TRANK1: variants seen among roughly 807,000 people sequenced by gnomAD.
TRANK1 encodes the protein TPR and ankyrin repeat-containing protein 1.
TRANK1 carries 198 observed loss-of-function variants against 266.0 expected under a neutral mutation model. The observed-to-expected ratio is 0.74, with a 90% CI of 0.66 to 0.84. The LOEUF is 0.84. TRANK1 is among the 40% of genes least tolerant of loss of function. The pLI is 0.00. For synonymous variants in TRANK1, 1,396 were observed against 1,384.1 expected (o/e 1.01, Z -0.19); for missense variants, 3,326 against 3,634.6 (o/e 0.92, Z 2.18).
Position 36,847,203 on chromosome 3 carries a change from G to A in TRANK1, c.5031C>T (p.Tyr1677=), listed in dbSNP as rs376526318. The change falls in exon 16 of 24, where the codon TAC becomes TAT. Residue 1677 remains tyrosine, a synonymous_variant. Transcript: ENST00000645898. ...TTGACAAATGGCAGAAATTCACCTT[G>A]TACATTTCTGGATTCACCATGAGAG... is the stretch of plus-strand genomic sequence containing the variant. ...GRSLMVNPEM[Y]KLLNGELKQL... 1.2e-6 allele frequency: 2 copies of A among 1,612,486 alleles called. No individual in the cohort carries two copies. Among genetic ancestry groups the A allele is most frequent in the Non-Finnish European group, 1.7e-6 (2 of 1,179,200 alleles).
intron 17 of TRANK1, among the ~76,000 whole-genome samples, chr3:36,844,004 C>A (rs112213028): frequency 0.011 from 1,640 of 152,268 alleles, 26 homozygotes; most frequent in Middle Eastern, 0.017. Flanking sequence ...AAAAGAAACA[C>A]AAATTACATA....
At chr3:36,913,643 C>A (rs539622903) in intron 1 of TRANK1, among the ~76,000 whole-genome samples, 1 of 151,960 alleles carries the variant, frequency 6.6e-6, no homozygotes, top group East Asian at 1.9e-4. Flanking sequence ...TTGTTTTTTT[C>A]TTTTTTTCTT....
chr3:36,924,235 T>A (rs1264060624), intron 1 of TRANK1, among the ~76,000 whole-genome samples: 1 of 152,204 alleles, frequency 6.6e-6, no homozygotes, highest in Non-Finnish European at 1.5e-5. Flanking sequence ...CCGTCCAGCG[T>A]TAAGGCCCCT....
At chr3:36,863,462 C>A (rs911660980) in intron 10 of TRANK1, among the ~76,000 whole-genome samples, 1 of 152,284 alleles carries the variant, frequency 6.6e-6, no homozygotes, top group South Asian at 2.1e-4. Flanking sequence ...AAAATGGCCC[C>A]ATCCTAGAGT....
At chr3:36,837,898 T>C (rs942931547) in intron 20 of TRANK1, among the ~76,000 whole-genome samples, 2 of 152,170 alleles carry the variant, frequency 1.3e-5, no homozygotes, top group African/African-American at 2.4e-5. Flanking sequence ...ATTATTATAT[T>C]TTAATTAATT....
chr3:36,861,807 G>A (rs933431229), intron 10 of TRANK1, among the ~76,000 whole-genome samples: 2 of 147,902 alleles, frequency 1.4e-5, no homozygotes, highest in Non-Finnish European at 3.0e-5. Context: ...CTGGATTCAC[G>A]CCATTCTCCT....
intron 2 of TRANK1, among the ~76,000 whole-genome samples, chr3:36,904,625 CA>C (rs1201239057): frequency 8.6e-5 from 13 of 151,818 alleles, no homozygotes; most frequent in Admixed American, 7.2e-4. Flanking sequence ...TATTAATAAA[CA>C]AAGGAAAAAT....
In TRANK1 at chr3:36,879,963, TGCAA is replaced by T. The variant is rs2079492752; in HGVS notation, c.908-5671_908-5668del. On this transcript the variant is annotated intron_variant, in intron 8 of 23. Transcript: ENST00000645898. ...GTAAACATGCAAATATATGTAAACA[TGCAA>T]ATATATGTAAACATGCAAATATATG... Among the ~76,000 whole-genome samples the T allele has an allele frequency of 8.8e-4, 8 of 9,056 alleles. 1 individual carries two copies. Among genetic ancestry groups the T allele is most frequent in the Non-Finnish European group, 1.3e-3 (8 of 5,936 alleles). 5.9% of individuals were successfully genotyped at this position (9,056 alleles called of 152,430 possible). A position where few individuals can be genotyped will look rare whatever the true frequency, so the allele number is the denominator to read the frequency against.
intron 8 of TRANK1, among the ~76,000 whole-genome samples, chr3:36,884,933 GA>G (rs201019383): frequency 2.0e-3 from 221 of 109,552 alleles, no homozygotes; most frequent in Middle Eastern, 4.9e-3. Flanking sequence ...CTCTGTCTCA[GA>G]AAAAAAAAAA....
chr3:36,879,907 CATGCAAATATATGT>C (rs2079485342), intron 8 of TRANK1, among the ~76,000 whole-genome samples: 2 of 19,372 alleles, frequency 1.0e-4, no homozygotes, highest in Non-Finnish European at 1.9e-4. Flanking sequence ...TATATGTAAA[CATGCAAATATATGT>C]AAACATGCAA....
At chr3:36,918,595 G>T (rs2080168026) in intron 1 of TRANK1, among the ~76,000 whole-genome samples, 1 of 115,240 alleles carries the variant, frequency 8.7e-6, no homozygotes, top group Non-Finnish European at 1.8e-5. Context: ...AGGAAGGAAG[G>T]AAGGAAGGAA....
intron 1 of TRANK1, among the ~76,000 whole-genome samples, chr3:36,910,033 T>C (rs2080029105): frequency 6.6e-6 from 1 of 152,234 alleles, no homozygotes. Flanking sequence ...AAGAAAATTG[T>C]TGCAATAACT....
rs777944962 is a variant in TRANK1 at position 36,831,056 on chromosome 3, C to T, written c.8527G>A (p.Glu2843Lys). Residue 2843 changes from glutamate to lysine, a missense_variant, in exon 22 of 24, where the codon GAG becomes AAG. Glu to Lys is a moderately conservative substitution (Grantham distance 56, BLOSUM62 1). Coordinates refer to ENST00000645898, the MANE Select transcript of TRANK1 (RefSeq NM_001329998.2). This position sits in a 1 kb window ranked among gnomAD's most constrained non-coding sequence, Gnocchi z 5.0. ...TCATCAATGGCCGGGTCCACCTTCTCGTGGAAAAATTCTGAGTATTTCTGG... is the reference window on the plus strand; with the variant it reads ...TCATCAATGGCCGGGTCCACCTTCTTGTGGAAAAATTCTGAGTATTTCTGG... ...AYQKYSEFFH[E>K]KVDPAIDEGK... 2.1e-5 allele frequency: 34 copies of T among 1,613,864 alleles called. No individual in the cohort carries two copies. In the Admixed American group the frequency reaches 5.0e-4, roughly 24 times the overall value.
At chr3:36,849,236 T>A (rs1283424714) in intron 15 of TRANK1, among the ~76,000 whole-genome samples, 1 of 152,176 alleles carries the variant, frequency 6.6e-6, no homozygotes, top group African/African-American at 2.4e-5. Flanking sequence ...GCCATGAGTA[T>A]GAAAGAAAGG....
At chr3:36,899,375 C>T in intron 3 of TRANK1, 116 bp from the exon 4 acceptor site, 1 of 1,186,794 alleles carries the variant, frequency 8.4e-7, no homozygotes, top group Non-Finnish European at 1.2e-6. Context: ...TGACTTCTGG[C>T]TGGGCACAGT....
Position 36,879,801 on chromosome 3 carries a change from T to G in TRANK1, c.908-5505A>C, listed in dbSNP as rs549476054. ...ATATAAATATGTAAATATATAAATA[T>G]ACAAATATATGTAAATATACAAATA... On this transcript the variant is annotated intron_variant, in intron 8 of 23. Coordinates refer to ENST00000645898, the MANE Select transcript of TRANK1 (RefSeq NM_001329998.2). 3.9e-4 allele frequency among the ~76,000 whole-genome samples: 41 copies of G among 106,168 alleles called. 11 individuals carry two copies. Among genetic ancestry groups the G allele is most frequent in the African/African-American group, 1.6e-3 (36 of 22,970 alleles). The allele number at this position is 106,168 out of a possible 152,430, so 69.7% of individuals were successfully genotyped here.
At chr3:36,883,243 C>T (rs1042159825) in intron 8 of TRANK1, among the ~76,000 whole-genome samples, 3 of 152,058 alleles carry the variant, frequency 2.0e-5, no homozygotes, top group Admixed American at 6.5e-5. Flanking sequence ...GAGTTTGAGA[C>T]CAACCTGGAA....
rs755796153 is a variant in TRANK1, at chr3:36,838,690, T to C, written c.5307A>G (p.Gly1769=). The C allele has an allele frequency of 6.2e-7, 1 of 1,613,654 alleles. No homozygotes were observed. The highest frequency in any genetic ancestry group is 8.5e-7 in the Non-Finnish European group (1 of 1,179,758). ...WKVAAKCYQK[G]GAFEKEKLAL... is the part of the protein sequence containing the mutation. ...CCAACTTCTCCTTCTCAAATGCACCTCCTTTCTGGTAACACTTGGCTGCAA... is the reference window on the plus strand; with the variant it reads ...CCAACTTCTCCTTCTCAAATGCACCCCCTTTCTGGTAACACTTGGCTGCAA... Residue 1769 remains glycine, a synonymous_variant, in exon 19 of 24, where the codon GGA becomes GGG. Coordinates refer to ENST00000645898, the MANE Select transcript of TRANK1 (RefSeq NM_001329998.2).
intron 1 of TRANK1, among the ~76,000 whole-genome samples, chr3:36,930,260 T>C (rs1214091963): frequency 3.9e-5 from 6 of 152,120 alleles, no homozygotes; most frequent in African/African-American, 1.4e-4. Flanking sequence ...ATGAGGAACG[T>C]GGGTCACCTT....
Sources: allele counts gnomAD v4.1 joint callset (sites outside exome capture counted in the v4.1 genomes callset), GRCh38; gene constraint gnomAD v4.1.1; non-coding constraint Gnocchi (gnomAD v3.1); transcripts MANE v1.5; gene names NCBI Gene and HGNC (gene_info 2026-07-23, HGNC 2026-07-21).